The following GRIN2B variants were observed in gnomAD, a reference collection of about 807,000 sequenced individuals.
GRIN2B encodes glutamate ionotropic receptor NMDA type subunit 2B, also known as glutamate receptor ionotropic, NMDA 2B.
GRIN2B carries 5 observed loss-of-function variants against 114.5 expected under a neutral mutation model. That is an observed-to-expected ratio of 0.04 (90% CI 0.02 to 0.09). GRIN2B has a LOEUF of 0.09. GRIN2B is among the 10% of genes least tolerant of loss of function. GRIN2B has a pLI of 1.00. For missense variants in GRIN2B, 1,108 were observed against 1,943.5 expected (o/e 0.57, Z 8.08); for synonymous variants, 787 against 745.1 (o/e 1.06, Z -0.92).
Position 13,560,672 on chromosome 12 carries a change from C to T in GRIN2B, c.*2111G>A, listed in dbSNP as rs1428127764. The T allele has an allele frequency of 6.6e-6, 1 of 152,250 alleles. No homozygotes were observed. Among genetic ancestry groups the T allele is most frequent in the Non-Finnish European group, 1.5e-5 (1 of 68,066 alleles). The allele number at this position is 152,250 out of a possible 1,614,324, so 9.4% of individuals were successfully genotyped here. On this transcript the variant is annotated 3_prime_UTR_variant, in exon 14 of 14. Coordinates refer to ENST00000609686, the MANE Select transcript of GRIN2B (RefSeq NM_000834.5). ...GTCTTTTCTGTTATCTAAGGTAAAG[C>T]ACTCCGTGCTCCTCTCACCAAATCT...
At chr12:13,839,962 G>A (rs1005885239) in intron 3 of GRIN2B, among the ~76,000 whole-genome samples, 5 of 152,090 alleles carry the variant, frequency 3.3e-5, no homozygotes, top group African/African-American at 9.7e-5. Context: ...TAGAAACCAT[G>A]GGATATTTTT....
chr12:13,967,458 T>A (rs147152447), intron 2 of GRIN2B, among the ~76,000 whole-genome samples: 2,617 of 152,336 alleles, frequency 0.017, 39 homozygotes, highest in Middle Eastern at 0.027. Flanking sequence ...TGTCTTCATG[T>A]CTTAGTATCC....
intron 5 of GRIN2B, among the ~76,000 whole-genome samples, chr12:13,637,631 C>T (rs372094742): frequency 1.1e-4 from 16 of 152,202 alleles, no homozygotes; most frequent in South Asian, 6.2e-4. Context: ...ACGATAATCA[C>T]GACACAGGGC....
chr12:13,564,914 A>G lies in GRIN2B; in HGVS notation c.2599-275T>C, dbSNP rs1948618353. The stretch of plus-strand genomic sequence containing the variant: ...CTTGAGCAAAGGGACTGGAATCATA[A>G]GATATGGCATTTTTGCCTCAGCTTC... On this transcript the variant is annotated intron_variant, in intron 13 of 13. Transcript: ENST00000609686. This position sits in a 1 kb window ranked among gnomAD's most constrained non-coding sequence, Gnocchi z 4.8. Among the ~76,000 whole-genome samples the G allele has an allele frequency of 6.6e-6, 1 of 152,240 alleles. No individual in the cohort carries two copies.
In GRIN2B at chr12:13,542,821, C is replaced by T. The variant is rs865951332; in HGVS notation, c.*19962G>A. 6.6e-6 allele frequency: 1 copy of T among 152,290 alleles called. No individual in the cohort carries two copies. The highest frequency in any genetic ancestry group is 1.5e-5 in the Non-Finnish European group (1 of 68,078). The allele number at this position is 152,290 out of a possible 1,614,324, so 9.4% of individuals were successfully genotyped here. Reference sequence around the variant, plus strand: ...TCCTTTCCTCTTGCTCTTACAGAAACCTGGCTCCTCTTTGAGGACCCTGAA... The same window carrying T: ...TCCTTTCCTCTTGCTCTTACAGAAATCTGGCTCCTCTTTGAGGACCCTGAA... On this transcript the variant is annotated 3_prime_UTR_variant, in exon 14 of 14. Coordinates refer to ENST00000609686, the MANE Select transcript of GRIN2B (RefSeq NM_000834.5).
At chr12:13,724,315 G>T (rs996213220) in intron 4 of GRIN2B, among the ~76,000 whole-genome samples, 4 of 152,128 alleles carry the variant, frequency 2.6e-5, no homozygotes. Flanking sequence ...CAATGGAAAG[G>T]CCCGGCCAAT....
intron 4 of GRIN2B, among the ~76,000 whole-genome samples, chr12:13,734,869 G>T (rs1388917349): frequency 2.0e-5 from 3 of 152,146 alleles, no homozygotes; most frequent in African/African-American, 7.2e-5. Flanking sequence ...AAAGAGAGGA[G>T]CATCACAAGG....
intron 9 of GRIN2B, chr12:13,610,133 C>T (rs892006523): frequency 6.6e-6 from 1 of 152,168 alleles, no homozygotes; most frequent in Non-Finnish European, 1.5e-5. Flanking sequence ...TCATGTTGAA[C>T]CTGATATGTA....
chr12:13,660,518 C>T (rs1158921415), intron 5 of GRIN2B, among the ~76,000 whole-genome samples: 2 of 152,156 alleles, frequency 1.3e-5, no homozygotes, highest in Non-Finnish European at 2.9e-5. Flanking sequence ...AAAGCAATGC[C>T]TCCTTCTCGT....
chr12:13,941,754 G>A (rs1195707101), intron 2 of GRIN2B, among the ~76,000 whole-genome samples: 6 of 152,236 alleles, frequency 3.9e-5, no homozygotes, highest in Non-Finnish European at 8.8e-5. Flanking sequence ...CAAATGAAAA[G>A]TGTCACTTCT....
At chr12:13,675,061 C>T (rs947395975) in intron 5 of GRIN2B, among the ~76,000 whole-genome samples, 1 of 152,144 alleles carries the variant, frequency 6.6e-6, no homozygotes, top group Non-Finnish European at 1.5e-5. Context: ...AATTGTAATA[C>T]TAATTGAGTG....
intron 4 of GRIN2B, among the ~76,000 whole-genome samples, chr12:13,717,060 CATACGCGTGT>C (rs1215961917): frequency 9.7e-6 from 1 of 102,912 alleles, no homozygotes; most frequent in African/African-American, 3.9e-5. Context: ...TGTATCATGC[CATACGCGTGT>C]GTGTGTGTGT....
At position 13,608,953 on chromosome 12, in the gene GRIN2B, CT is replaced by C; in HGVS notation, c.1781-122del. ...GAAACCCTTCCGCTAAAACCAAGCC[CT>C]TTTATAGACGGCTTTTAAATTTGAG... On this transcript the variant is annotated intron_variant, in intron 9 of 13. Transcript: ENST00000609686. 3 of 731,076 alleles carry C rather than the reference CT, an allele frequency of 4.1e-6. No homozygotes were observed. In the South Asian group the frequency reaches 4.5e-5, roughly 11 times the overall value. The allele number at this position is 731,076 out of a possible 1,614,324, so 45.3% of individuals were successfully genotyped here.
intron 3 of GRIN2B, among the ~76,000 whole-genome samples, chr12:13,833,740 T>A (rs1352023348): frequency 3.3e-5 from 5 of 152,076 alleles, no homozygotes; most frequent in Non-Finnish European, 7.4e-5. Flanking sequence ...TCCTACCCCA[T>A]TTTACAGATG....
At chr12:13,581,308 T>G (rs1384839395) in intron 10 of GRIN2B, among the ~76,000 whole-genome samples, 1 of 152,110 alleles carries the variant, frequency 6.6e-6, no homozygotes, top group Admixed American at 6.5e-5. Flanking sequence ...AGCCCAGGGG[T>G]GTTGCACCAA....
intron 4 of GRIN2B, among the ~76,000 whole-genome samples, chr12:13,693,190 T>C (rs1019437396): frequency 6.6e-6 from 1 of 152,190 alleles, no homozygotes; most frequent in Non-Finnish European, 1.5e-5. Context: ...CTATAGGAAC[T>C]TAAGTCTTTA....
At position 13,840,200 on chromosome 12, in the gene GRIN2B, T is replaced by C. The variant is rs1406845121; in HGVS notation, c.411+25598A>G. Among the ~76,000 whole-genome samples the C allele has an allele frequency of 2.6e-5, 4 of 152,154 alleles. No homozygotes were observed. The East Asian group carries it at 7.7e-4, about 29-fold the overall frequency. On this transcript the variant is annotated intron_variant, in intron 3 of 13. Coordinates refer to ENST00000609686, the MANE Select transcript of GRIN2B (RefSeq NM_000834.5). Reference sequence around the variant, plus strand: ...TGCCCCACCCAGCCCTCCATATCACTGGGGCCAACTTCACTCCCTCTGGAT... The same window carrying C: ...TGCCCCACCCAGCCCTCCATATCACCGGGGCCAACTTCACTCCCTCTGGAT...
rs543893340 is a variant in GRIN2B, at chr12:13,746,378, A to T, written c.1010+6939T>A. ...CCAACCCACGTCCTTTCTGAGGCAG[A>T]ATCTGTTTTCAGAATGAGGCTTGTC... On this transcript the variant is annotated intron_variant, in intron 4 of 13. Coordinates refer to ENST00000609686, the MANE Select transcript of GRIN2B (RefSeq NM_000834.5). Among the ~76,000 whole-genome samples the T allele has an allele frequency of 1.6e-4, 24 of 152,252 alleles. 1 individual carries two copies. Among genetic ancestry groups the T allele is most frequent in the Admixed American group, 1.5e-3 (23 of 15,288 alleles).
intron 3 of GRIN2B, among the ~76,000 whole-genome samples, chr12:13,834,020 CTTTTTTTT>C (rs71067731): frequency 5.2e-3 from 375 of 72,578 alleles, no homozygotes; most frequent in African/African-American, 0.018. Flanking sequence ...TTGCTAACTT[CTTTTTTTT>C]TTTTTTTTTT....
Sources: allele counts gnomAD v4.1 joint callset (sites outside exome capture counted in the v4.1 genomes callset), GRCh38; gene constraint gnomAD v4.1.1; non-coding constraint Gnocchi (gnomAD v3.1); transcripts MANE v1.5; gene names NCBI Gene and HGNC (gene_info 2026-07-23, HGNC 2026-07-21).